Variants in SELENOI observed in about 807,000 individuals in gnomAD.
SELENOI encodes the protein ethanolaminephosphotransferase 1.
Under a neutral mutation model 50.7 loss-of-function variants are expected in SELENOI, and 24 were observed. The ratio of observed to expected loss-of-function variants is 0.47; its 90% confidence interval spans 0.34 to 0.67. The LOEUF is 0.67. SELENOI is among the 30% of genes least tolerant of loss of function. The pLI, the probability that SELENOI is intolerant of heterozygous loss-of-function variation, is 0.01. For missense variants in SELENOI, 352 were observed against 461.4 expected (o/e 0.76, Z 2.17); for synonymous variants, 155 against 170.2 (o/e 0.91, Z 0.70).
Position 26,346,158 on chromosome 2 carries a change from C to G in SELENOI, c.-75C>G. 2 of 1,609,490 alleles carry G rather than the reference C, an allele frequency of 1.2e-6. No individual in the cohort carries two copies. Among genetic ancestry groups the G allele is most frequent in the Non-Finnish European group, 1.7e-6 (2 of 1,178,006 alleles). ...CCCAGTCTTTGCCATCCTTGCCCAG[C>G]CGGTGTGGTGCTTGTGTGTCACAGC... On this transcript the variant is annotated 5_prime_UTR_variant, in exon 1 of 10. Coordinates refer to ENST00000260585, the MANE Select transcript of SELENOI (RefSeq NM_033505.4).
At chr2:26,361,675 A>G (rs1221017738) in intron 1 of SELENOI, among the ~76,000 whole-genome samples, 2 of 148,742 alleles carry the variant, frequency 1.3e-5, no homozygotes, top group East Asian at 4.0e-4. Flanking sequence ...TTTTTTTGAG[A>G]TGGAGTCTCA....
At chr2:26,371,385 C>T (rs1465950547) in intron 4 of SELENOI, among the ~76,000 whole-genome samples, 33 of 140,166 alleles carry the variant, frequency 2.4e-4, no homozygotes, top group South Asian at 9.4e-4. Flanking sequence ...GATGGGCAGC[C>T]GGGCAGAGAC....
chr2:26,380,988 G>A (rs1677681072), intron 6 of SELENOI, among the ~76,000 whole-genome samples: 1 of 150,818 alleles, frequency 6.6e-6, no homozygotes, highest in Non-Finnish European at 1.5e-5. Flanking sequence ...TTTATTTTTA[G>A]AAGCTATTCA....
chr2:26,349,709 T>C (rs1304338519), intron 1 of SELENOI, among the ~76,000 whole-genome samples: 3 of 141,768 alleles, frequency 2.1e-5, no homozygotes. Context: ...TGCTCATCAT[T>C]TGGGAAGGCA....
At chr2:26,383,267 A>G (rs758908354) in intron 6 of SELENOI, 32 bp from the exon 7 acceptor site, 1 of 1,474,372 alleles carries the variant, frequency 6.8e-7, no homozygotes, top group Non-Finnish European at 9.1e-7. Context: ...GCTCTTGAAT[A>G]AGCATAATAA....
intron 1 of SELENOI, among the ~76,000 whole-genome samples, chr2:26,353,159 G>T (rs1266985235): frequency 6.6e-6 from 1 of 152,170 alleles, no homozygotes; most frequent in African/African-American, 2.4e-5. Context: ...GTGGATAGAA[G>T]TGGTAGTCAC....
chr2:26,367,277 C>G, intron 4 of SELENOI, 57 bp downstream of exon 4: 1 of 1,325,636 alleles, frequency 7.5e-7, no homozygotes, highest in East Asian at 2.5e-5. Context: ...GCAAGGATAG[C>G]CACGTATTAA....
chr2:26,372,243 G>C (rs1423328118), intron 4 of SELENOI, among the ~76,000 whole-genome samples: 1 of 152,196 alleles, frequency 6.6e-6, no homozygotes, highest in African/African-American at 2.4e-5. Flanking sequence ...CTCCCGAGTA[G>C]CTGGGATTAC....
chr2:26,386,714 A>T (rs1221580762), intron 9 of SELENOI, among the ~76,000 whole-genome samples, 178 bp downstream of exon 9: 1 of 152,182 alleles, frequency 6.6e-6, no homozygotes, highest in Non-Finnish European at 1.5e-5. Flanking sequence ...TTAATTTCAG[A>T]TATTGTTTCT....
intron 6 of SELENOI, 38 bp downstream of exon 6, chr2:26,375,186 C>CT: frequency 7.4e-7 from 1 of 1,354,260 alleles, no homozygotes; most frequent in Non-Finnish European, 1.0e-6. Flanking sequence ...TTAACCATCA[C>CT]TTTGTTATCA....
intron 6 of SELENOI, 134 bp downstream of exon 6, chr2:26,375,282 A>G (rs1383366826): frequency 5.4e-6 from 3 of 551,860 alleles, no homozygotes; most frequent in East Asian, 6.2e-5. Context: ...ACAACCTTGT[A>G]GGATTTCAGC....
At chr2:26,387,205 A>G (rs980886296) in intron 9 of SELENOI, among the ~76,000 whole-genome samples, 3 of 152,250 alleles carry the variant, frequency 2.0e-5, no homozygotes, top group Non-Finnish European at 2.9e-5. Flanking sequence ...TTTTAGGAGA[A>G]TGGACGAATA....
intron 6 of SELENOI, among the ~76,000 whole-genome samples, chr2:26,375,421 T>A (rs1305933819): frequency 6.6e-6 from 1 of 152,190 alleles, no homozygotes; most frequent in African/African-American, 2.4e-5. Context: ...CAAATTAACC[T>A]AGGCTGTATT....
intron 6 of SELENOI, among the ~76,000 whole-genome samples, chr2:26,380,893 T>A (rs114522774): frequency 0.021 from 3,219 of 152,284 alleles, 43 homozygotes; most frequent in South Asian, 0.049. Context: ...TTTTCTAGTG[T>A]TTAAGAGCCG....
intron 9 of SELENOI, among the ~76,000 whole-genome samples, chr2:26,387,799 G>A (rs1263604272): frequency 6.6e-6 from 1 of 152,042 alleles, no homozygotes; most frequent in Non-Finnish European, 1.5e-5. Context: ...AATTTCATAG[G>A]AATGGGGTTG....
intron 4 of SELENOI, among the ~76,000 whole-genome samples, chr2:26,370,503 C>G (rs1180384086): frequency 6.7e-6 from 1 of 148,810 alleles, no homozygotes; most frequent in African/African-American, 2.5e-5. Context: ...CCCCCCACCT[C>G]CCTCCCAGAC....
At chr2:26,366,069 G>A (rs1677280960) in intron 3 of SELENOI, among the ~76,000 whole-genome samples, 2 of 152,094 alleles carry the variant, frequency 1.3e-5, no homozygotes, top group Admixed American at 1.3e-4. Context: ...CCAAAGTGCT[G>A]GGATTACAGG....
chr2:26,347,703 C>T lies in SELENOI; in HGVS notation c.57+1414C>T, dbSNP rs1172498433. 6.6e-5 allele frequency among the ~76,000 whole-genome samples: 10 copies of T among 152,166 alleles called. No individual in the cohort carries two copies. In the South Asian group the frequency reaches 8.3e-4, roughly 13 times the overall value. On this transcript the variant is annotated intron_variant, in intron 1 of 9. Transcript: ENST00000260585. Reference sequence around the variant, plus strand: ...GCAGGGTAAATATTGACATATAAAACATTTTCTTCCTTACTAGGGTCTGAC... The same window carrying T: ...GCAGGGTAAATATTGACATATAAAATATTTTCTTCCTTACTAGGGTCTGAC...
chr2:26,355,751 T>C (rs1382154311), intron 1 of SELENOI, among the ~76,000 whole-genome samples: 3 of 152,022 alleles, frequency 2.0e-5, no homozygotes, highest in Admixed American at 2.0e-4. Flanking sequence ...CTCCCTTTTT[T>C]TTTTTTTGAG....
Sources: gnomAD v4.1 joint callset for allele counts (sites outside exome capture counted in the v4.1 genomes callset) on GRCh38, gnomAD v4.1.1 for gene constraint, MANE v1.5 for transcripts, NCBI Gene and HGNC (gene_info 2026-07-23, HGNC 2026-07-21) for gene names.